RRAS2: variants seen among roughly 807,000 people sequenced by gnomAD.
RRAS2 encodes ras-related protein R-Ras2.
Under a neutral mutation model 27.6 loss-of-function variants are expected in RRAS2, and 7 were observed. The ratio of observed to expected loss-of-function variants is 0.25; its 90% CI spans 0.14 to 0.48. The LOEUF (loss-of-function observed/expected upper bound fraction) is 0.48. Ranked by LOEUF, RRAS2 falls within the 20% of genes least tolerant of loss-of-function variation. RRAS2 has a pLI of 0.99. For missense variants in RRAS2, 178 were observed against 256.2 expected (o/e 0.69, Z 2.08); for synonymous variants, 86 against 90.9 (o/e 0.95, Z 0.31).
Position 14,289,800 on chromosome 11 carries a change from C to T in RRAS2, c.408+4671G>A, listed in dbSNP as rs781849623. Among the ~76,000 whole-genome samples the T allele has an allele frequency of 3.7e-4, 56 of 152,132 alleles. 1 individual carries two copies. Among genetic ancestry groups the T allele is most frequent in the African/African-American group, 1.3e-3 (53 of 41,408 alleles). ...CCTCTTCTGGATGATATCCCTGAAC[C>T]CTGGTGGGGTTCAGAATCTCAGGAG... On this transcript the variant is annotated intron_variant, in intron 4 of 5. Transcript: ENST00000256196.
chr11:14,304,380 C>G (rs1323701661), intron 1 of RRAS2, among the ~76,000 whole-genome samples: 4 of 152,204 alleles, frequency 2.6e-5, no homozygotes, highest in Non-Finnish European at 5.9e-5. Context: ...AATCTCAACA[C>G]TTTTATTCCC....
intron 1 of RRAS2, among the ~76,000 whole-genome samples, chr11:14,328,132 C>T (rs1220126654): frequency 1.3e-5 from 2 of 152,008 alleles, no homozygotes; most frequent in East Asian, 3.9e-4. Context: ...CTTTTGGAGG[C>T]CGAGGCAGGC....
At position 14,358,190 on chromosome 11, in the gene RRAS2, C is replaced by T. The variant is rs542119148; in HGVS notation, c.108+573G>A. On this transcript the variant is annotated intron_variant, in intron 1 of 5. Coordinates refer to ENST00000256196, the MANE Select transcript of RRAS2 (RefSeq NM_012250.6). This position sits in a 1 kb window ranked among gnomAD's most constrained non-coding sequence, Gnocchi z 5.1. ...CGGGGCATTATCACACACTCCCACC[C>T]GGACATATTACCTAAGAGAGTACTT... 8 of 980,696 alleles carry T rather than the reference C, an allele frequency of 8.2e-6. No homozygotes were observed. In the South Asian group the frequency reaches 3.3e-4, roughly 40 times the overall value. 60.7% of individuals were successfully genotyped at this position (980,696 alleles called of 1,614,324 possible).
At chr11:14,325,089 C>T (rs1246614640) in intron 1 of RRAS2, among the ~76,000 whole-genome samples, 1 of 152,110 alleles carries the variant, frequency 6.6e-6, no homozygotes, top group African/African-American at 2.4e-5. Flanking sequence ...TAGTACCTCA[C>T]CTGGAATGGT....
intron 1 of RRAS2, among the ~76,000 whole-genome samples, chr11:14,334,535 C>T (rs1252414322): frequency 1.3e-5 from 2 of 150,732 alleles, no homozygotes; most frequent in African/African-American, 2.5e-5. Flanking sequence ...CATACATACA[C>T]ACACACACAC....
chr11:14,341,750 T>C (rs1554953297), intron 1 of RRAS2: 2 of 446,444 alleles, frequency 4.5e-6, no homozygotes, highest in Admixed American at 4.9e-5. Context: ...TTCTCTGTTC[T>C]TAATTAACTA....
At chr11:14,304,566 A>G (rs1847791185) in intron 1 of RRAS2, among the ~76,000 whole-genome samples, 1 of 152,262 alleles carries the variant, frequency 6.6e-6, no homozygotes, top group Non-Finnish European at 1.5e-5. Flanking sequence ...GTCCCAGGAC[A>G]TATAAAACTC....
At chr11:14,310,853 A>C (rs1017196129) in intron 1 of RRAS2, among the ~76,000 whole-genome samples, 2 of 152,194 alleles carry the variant, frequency 1.3e-5, no homozygotes. Context: ...TTCTAATTGT[A>C]ACCTATTGTG....
At chr11:14,324,952 CG>C (rs1848317967) in intron 1 of RRAS2, among the ~76,000 whole-genome samples, 1 of 152,040 alleles carries the variant, frequency 6.6e-6, no homozygotes, top group Non-Finnish European at 1.5e-5. Context: ...TGGAAAAAAG[CG>C]AGATTGAGGG....
chr11:14,348,385 AG>A (rs1554954349), intron 1 of RRAS2, among the ~76,000 whole-genome samples: 1 of 152,208 alleles, frequency 6.6e-6, no homozygotes, highest in African/African-American at 2.4e-5. Flanking sequence ...TTCACATACT[AG>A]TTTTAACATC....
intron 1 of RRAS2, among the ~76,000 whole-genome samples, chr11:14,319,037 G>T (rs185903632): frequency 7.6e-4 from 115 of 152,294 alleles, no homozygotes; most frequent in Non-Finnish European, 1.4e-3. Flanking sequence ...TAAGTAACTT[G>T]CCCAGTCACG....
intron 1 of RRAS2, among the ~76,000 whole-genome samples, chr11:14,299,468 T>C (rs774964953): frequency 1.3e-5 from 2 of 152,196 alleles, no homozygotes; most frequent in Non-Finnish European, 2.9e-5. Context: ...AACATATAAA[T>C]TAAATGGCTC....
At chr11:14,279,915 G>A (rs974812869) in intron 5 of RRAS2, among the ~76,000 whole-genome samples, 1 of 152,136 alleles carries the variant, frequency 6.6e-6, no homozygotes, top group African/African-American at 2.4e-5. Context: ...AAGATCTTGT[G>A]ATGTTAGAAT....
intron 1 of RRAS2, among the ~76,000 whole-genome samples, chr11:14,307,409 G>C (rs1847858042): frequency 6.6e-6 from 1 of 152,052 alleles, no homozygotes; most frequent in African/African-American, 2.4e-5. Flanking sequence ...TTTTGAGACA[G>C]AATATCTCAT....
chr11:14,323,769 A>C (rs1554950627), intron 1 of RRAS2, among the ~76,000 whole-genome samples: 2 of 152,200 alleles, frequency 1.3e-5, no homozygotes, highest in African/African-American at 4.8e-5. Context: ...ATAAACATAC[A>C]TGAAAAGAGT....
Position 14,294,772 on chromosome 11 carries a change from G to A in RRAS2, c.287C>T (p.Thr96Ile). 6.2e-7 allele frequency: 1 copy of A among 1,613,450 alleles called. No homozygotes were observed. Among genetic ancestry groups the A allele is most frequent in the Non-Finnish European group, 8.5e-7 (1 of 1,179,664 alleles). ...ATATGGTACAAACCTGCCTCTATCT[G>A]TGACTGAAAAGACCAACAGGAAGCC... ...GEGFLLVFSV[T>I]DRGSFEEIYK... The change falls in exon 3 of 6, where the codon ACA (threonine) becomes ATA (isoleucine). Residue 96 changes from threonine (T) to isoleucine (I), a missense_variant. Coordinates refer to ENST00000256196, the MANE Select transcript of RRAS2 (RefSeq NM_012250.6).
chr11:14,318,558 C>T (rs1026877542), intron 1 of RRAS2, among the ~76,000 whole-genome samples: 1 of 151,868 alleles, frequency 6.6e-6, no homozygotes, highest in Admixed American at 6.6e-5. Flanking sequence ...TGAGATGGCA[C>T]CTATTCAATT....
intron 1 of RRAS2, among the ~76,000 whole-genome samples, chr11:14,318,808 A>G (rs1554949868): frequency 6.6e-6 from 1 of 152,232 alleles, no homozygotes. Context: ...AAGTAAATAT[A>G]AATCAGACTT....
intron 1 of RRAS2, among the ~76,000 whole-genome samples, chr11:14,308,811 C>A (rs1847889358): frequency 6.6e-6 from 1 of 152,184 alleles, no homozygotes. Flanking sequence ...ACTCCCCCTT[C>A]AGGTGCTATG....
Sources: gnomAD v4.1 joint callset for allele counts (sites outside exome capture counted in the v4.1 genomes callset) on GRCh38, gnomAD v4.1.1 for gene constraint, Gnocchi (gnomAD v3.1) non-coding constraint, MANE v1.5 for transcripts, NCBI Gene and HGNC (gene_info 2026-07-23, HGNC 2026-07-21) for gene names.